VAPA: variants seen among roughly 807,000 people sequenced by gnomAD.
VAPA encodes vesicle-associated membrane protein-associated protein A.
VAPA carries 6 observed loss-of-function variants against 25.6 expected under a neutral mutation model. That is an observed-to-expected ratio of 0.23 (90% CI 0.13 to 0.46). VAPA has a LOEUF of 0.46. Ranked by LOEUF, VAPA falls within the 20% of genes least tolerant of loss-of-function variation. The pLI, the probability that VAPA is intolerant of heterozygous loss-of-function variation, is 0.99. For synonymous variants in VAPA, 112 were observed against 106.2 expected, an observed-to-expected ratio of 1.05 and a Z score of -0.34; for missense variants, 244 against 302.1, an observed-to-expected ratio of 0.81 and a Z score of 1.43.
chr18:9,922,669 A>G (rs997603804), intron 1 of VAPA, among the ~76,000 whole-genome samples: 5 of 151,970 alleles, frequency 3.3e-5, no homozygotes, highest in Non-Finnish European at 7.4e-5. Context: ...GGACTGGGAG[A>G]CAAAACAGTG....
chr18:9,922,097 T>A (rs1270818090), intron 1 of VAPA, among the ~76,000 whole-genome samples: 1 of 152,084 alleles, frequency 6.6e-6, no homozygotes, highest in African/African-American at 2.4e-5. Flanking sequence ...TCTGAGTAAC[T>A]AGGACTACAG....
intron 2 of VAPA, among the ~76,000 whole-genome samples, chr18:9,934,486 C>A (rs2069288034): frequency 6.6e-6 from 1 of 152,142 alleles, no homozygotes; most frequent in African/African-American, 2.4e-5. Flanking sequence ...AGTACATTTC[C>A]TGCTGCTGTG....
rs1479946210 is a variant in VAPA at position 9,954,683 on chromosome 18, C to G, written c.*472C>G. On this transcript the variant is annotated 3_prime_UTR_variant, in exon 6 of 6. Transcript: ENST00000400000. ...GTGCCTCTTACAGTGTAAATTTTTCCTCCTTTACCTTTGCTAATATCATGG... is the reference window on the plus strand; with the variant it reads ...GTGCCTCTTACAGTGTAAATTTTTCGTCCTTTACCTTTGCTAATATCATGG... 1 of 153,056 alleles carries G rather than the reference C, an allele frequency of 6.5e-6. No individual in the cohort carries two copies. The highest frequency in any genetic ancestry group is 1.9e-4 in the East Asian group (1 of 5,224). The allele number at this position is 153,056 out of a possible 1,614,324, so 9.5% of individuals were successfully genotyped here. A position where few individuals can be genotyped will look rare whatever the true frequency, so the allele number is the denominator to read the frequency against.
chr18:9,927,378 GAACTC>G (rs2069209685), intron 1 of VAPA, among the ~76,000 whole-genome samples: 1 of 152,058 alleles, frequency 6.6e-6, no homozygotes, highest in Non-Finnish European at 1.5e-5. Flanking sequence ...CTTTGCAGCT[GAACTC>G]AACTCAGCCT....
At chr18:9,932,039 C>A in intron 2 of VAPA, 77 bp downstream of exon 2, 1 of 1,041,048 alleles carries the variant, frequency 9.6e-7, no homozygotes, top group Middle Eastern at 2.3e-4. Context: ...AATAAGGTTT[C>A]ATCTGGAGGG....
intron 1 of VAPA, 28 bp downstream of exon 1, chr18:9,914,363 G>C (rs1228101864): frequency 1.3e-6 from 2 of 1,549,984 alleles, no homozygotes; most frequent in East Asian, 2.7e-5. Flanking sequence ...ACCCCCGGGT[G>C]GGGTGGGGCG....
intron 4 of VAPA, among the ~76,000 whole-genome samples, chr18:9,945,682 A>T (rs2069415835): frequency 6.6e-6 from 1 of 151,994 alleles, no homozygotes; most frequent in South Asian, 2.1e-4. Context: ...GTTTTAACAG[A>T]TTGTTTATAC....
intron 1 of VAPA, among the ~76,000 whole-genome samples, chr18:9,919,227 CAA>C (rs2069137046): frequency 2.0e-5 from 3 of 152,292 alleles, no homozygotes; most frequent in East Asian, 3.9e-4. Flanking sequence ...ACACCAGAAA[CAA>C]TATGCATATC....
chr18:9,923,898 A>C (rs1039402242), intron 1 of VAPA: 1 of 158,770 alleles, frequency 6.3e-6, no homozygotes, highest in Non-Finnish European at 1.4e-5. Context: ...AAAATGGAAA[A>C]AGTATAGATA....
intron 4 of VAPA, among the ~76,000 whole-genome samples, chr18:9,938,346 T>C (rs2069332185): frequency 6.6e-6 from 1 of 152,238 alleles, no homozygotes; most frequent in Non-Finnish European, 1.5e-5. Context: ...CCCCAGGTAT[T>C]TGATACTGCT....
chr18:9,945,361 T>G (rs1421465172), intron 4 of VAPA, among the ~76,000 whole-genome samples: 2 of 124,602 alleles, frequency 1.6e-5, no homozygotes, highest in African/African-American at 6.1e-5. Flanking sequence ...TTTTTTTTTT[T>G]TTTTTTTTTT....
rs766822493 is a variant in VAPA, at chr18:9,954,088, G to A, written c.627G>A (p.Ser209=). ...TAAGGCTCAGAAAGGTAGCACATTC[G>A]GATAAACCTGGATCAACCTCAACTG... ...EGLRLRKVAH[S]DKPGSTSTAS... is the part of the protein sequence containing the mutation. The change falls in exon 6 of 6, where the codon TCG becomes TCA. Residue 209 remains serine, a synonymous_variant. Transcript: ENST00000400000. The A allele has an allele frequency of 2.5e-5, 40 of 1,613,814 alleles. No homozygotes were observed. The highest frequency in any genetic ancestry group is 5.3e-5 in the African/African-American group (4 of 74,856).
At chr18:9,935,551 G>A (rs909147331) in intron 2 of VAPA, among the ~76,000 whole-genome samples, 3 of 152,210 alleles carry the variant, frequency 2.0e-5, no homozygotes, top group African/African-American at 7.2e-5. Context: ...CTGCAGCGCA[G>A]CCTCAGCCAC....
intron 2 of VAPA, among the ~76,000 whole-genome samples, chr18:9,933,525 A>G (rs895186528): frequency 1.3e-5 from 2 of 152,162 alleles, no homozygotes; most frequent in Non-Finnish European, 2.9e-5. Context: ...CCTTTAGCAC[A>G]ATTGGAAGAA....
intron 1 of VAPA, chr18:9,915,762 A>G (rs893974648): frequency 1.3e-5 from 2 of 152,238 alleles, no homozygotes; most frequent in Non-Finnish European, 2.9e-5. Context: ...CTACATTGCA[A>G]GCTTTTTAGT....
intron 1 of VAPA, chr18:9,915,784 T>C (rs1380586423): frequency 6.6e-6 from 1 of 152,238 alleles, no homozygotes; most frequent in Non-Finnish European, 1.5e-5. Context: ...CGTTTACAAA[T>C]TTCTTTGAAT....
chr18:9,914,056 G>C lies in VAPA; in HGVS notation c.-201G>C, dbSNP rs571917427. 3 of 509,100 alleles carry C rather than the reference G, an allele frequency of 5.9e-6. No homozygotes were observed. Among genetic ancestry groups the C allele is most frequent in the African/African-American group, 2.1e-5 (1 of 48,496 alleles). The allele number at this position is 509,100 out of a possible 1,614,324, so 31.5% of individuals were successfully genotyped here. On this transcript the variant is annotated 5_prime_UTR_variant, in exon 1 of 6. Transcript: ENST00000400000. Reference sequence around the variant, plus strand: ...GCGTGGCCGTGGCGGCTGGTGTGGGGTTGAGTCAGTTGTGGGACCCGGAGC... The same window carrying C: ...GCGTGGCCGTGGCGGCTGGTGTGGGCTTGAGTCAGTTGTGGGACCCGGAGC...
At chr18:9,923,282 CGTT>C in intron 1 of VAPA, among the ~76,000 whole-genome samples, 1 of 147,242 alleles carries the variant, frequency 6.8e-6, no homozygotes, top group South Asian at 2.2e-4. Flanking sequence ...ATTGAATTAC[CGTT>C]AAAAAGTAGG....
chr18:9,934,200 T>A (rs1328667317), intron 2 of VAPA, among the ~76,000 whole-genome samples: 1 of 152,238 alleles, frequency 6.6e-6, no homozygotes, highest in Non-Finnish European at 1.5e-5. Context: ...TACTACATGC[T>A]CATTTCTCTT....
Sources: allele counts gnomAD v4.1 joint callset (sites outside exome capture counted in the v4.1 genomes callset), GRCh38; gene constraint gnomAD v4.1.1; transcripts MANE v1.5; gene names NCBI Gene and HGNC (gene_info 2026-07-23, HGNC 2026-07-21).